The following CSGALNACT1 variants were observed in gnomAD, a reference collection of about 807,000 sequenced individuals.
CSGALNACT1 encodes beta4GalNAcT-1.
In CSGALNACT1, 52 loss-of-function variants were observed where a neutral mutation model predicts 51.0. The ratio of observed to expected loss-of-function variants is 1.02; its 90% confidence interval spans 0.82 to 1.29. CSGALNACT1 has a LOEUF of 1.29. Ranked by LOEUF, CSGALNACT1 falls within the 50% of genes most tolerant of loss-of-function variation. The pLI, the probability that CSGALNACT1 is intolerant of heterozygous loss-of-function variation, is 0.00. For missense variants in CSGALNACT1, 935 were observed against 679.2 expected, an observed-to-expected ratio of 1.38 and a Z score of -4.19; for synonymous variants, 341 against 254.4, an observed-to-expected ratio of 1.34 and a Z score of -3.24.
At chr8:19,669,223 C>T (rs752042554) in intron 1 of CSGALNACT1, among the ~76,000 whole-genome samples, 6 of 152,188 alleles carry the variant, frequency 3.9e-5, no homozygotes, top group Non-Finnish European at 8.8e-5. Context: ...AATGCAAGCA[C>T]TAGTCTAACC....
chr8:19,580,857 T>C (rs1379892844), intron 3 of CSGALNACT1, among the ~76,000 whole-genome samples: 1 of 152,078 alleles, frequency 6.6e-6, no homozygotes, highest in East Asian at 1.9e-4. Context: ...AATACAATAA[T>C]TACATTAAAA....
At chr8:19,697,015 G>A (rs548766654) in intron 1 of CSGALNACT1, among the ~76,000 whole-genome samples, 54 of 152,278 alleles carry the variant, frequency 3.5e-4, no homozygotes, top group African/African-American at 1.3e-3. Flanking sequence ...AGATGGTAAG[G>A]ACAGATGGCA....
intron 4 of CSGALNACT1, among the ~76,000 whole-genome samples, chr8:19,471,748 GT>G (rs1332775289): frequency 6.6e-6 from 1 of 152,192 alleles, no homozygotes; most frequent in African/African-American, 2.4e-5. Flanking sequence ...TGCAGTGAGA[GT>G]AAACAACAAG....
intron 3 of CSGALNACT1, among the ~76,000 whole-genome samples, chr8:19,532,867 G>C (rs1019316119): frequency 6.6e-6 from 1 of 152,108 alleles, no homozygotes; most frequent in African/African-American, 2.4e-5. Flanking sequence ...CTGTACTACA[G>C]GTGAACTACA....
intron 3 of CSGALNACT1, among the ~76,000 whole-genome samples, chr8:19,529,264 C>G (rs575634658): frequency 2.6e-5 from 4 of 152,178 alleles, no homozygotes; most frequent in Admixed American, 1.3e-4. Context: ...AGAAATTTTT[C>G]CAGAAGTTTA....
upstream of CSGALNACT1, among the ~76,000 whole-genome samples, chr8:19,605,050 A>G (rs942146633): frequency 2.0e-5 from 3 of 152,158 alleles, no homozygotes; most frequent in Non-Finnish European, 2.9e-5. Context: ...CTGATCCCCT[A>G]TAATTCCCTC....
rs35177349 is a variant in CSGALNACT1 at position 19,597,285 on chromosome 8, C to CTTTTTTTTTTTTTTTTTTTTT, written c.-416+4465_-416+4485dup. 9.0e-4 allele frequency among the ~76,000 whole-genome samples: 58 copies of CTTTTTTTTTTTTTTTTTTTTT among 64,566 alleles called. 8 individuals are homozygous for CTTTTTTTTTTTTTTTTTTTTT. The highest frequency in any genetic ancestry group is 3.9e-3 in the African/African-American group (56 of 14,416). 42.4% of individuals were successfully genotyped at this position (64,566 alleles called of 152,430 possible). On this transcript the variant is annotated intron_variant, in intron 2 of 9. Transcript: ENST00000454498. ...GGTTGGGGCTGCCTCTATCTTCTTT[C>CTTTTTTTTTTTTTTTTTTTTT]TTTTTTTTTTTTTTTTTTTTTTTTT... is the stretch of plus-strand genomic sequence containing the variant.
intron 1 of CSGALNACT1, among the ~76,000 whole-genome samples, chr8:19,658,659 G>C (rs1299897469): frequency 6.6e-6 from 1 of 152,076 alleles, no homozygotes; most frequent in Admixed American, 6.6e-5. Context: ...ACTTGAACCT[G>C]GGGGGCAGAG....
At chr8:19,588,696 T>A (rs2047179190) in intron 3 of CSGALNACT1, among the ~76,000 whole-genome samples, 1 of 152,196 alleles carries the variant, frequency 6.6e-6, no homozygotes, top group Non-Finnish European at 1.5e-5. Context: ...GTTAATTGGA[T>A]TTTTGTCAAT....
chr8:19,535,420 T>C (rs2083545005), intron 3 of CSGALNACT1, among the ~76,000 whole-genome samples: 2 of 152,184 alleles, frequency 1.3e-5, no homozygotes, highest in Admixed American at 1.3e-4. Context: ...AGTTGATGAC[T>C]ATTTTAAAAG....
intron 1 of CSGALNACT1, among the ~76,000 whole-genome samples, chr8:19,725,615 G>A (rs2063355461): frequency 6.6e-6 from 1 of 151,684 alleles, no homozygotes; most frequent in Non-Finnish European, 1.5e-5. Flanking sequence ...AGTAAAGACG[G>A]GCTTTCATCA....
At chr8:19,701,969 C>A (rs1246927373) in intron 1 of CSGALNACT1, among the ~76,000 whole-genome samples, 1 of 152,214 alleles carries the variant, frequency 6.6e-6, no homozygotes, top group East Asian at 1.9e-4. Flanking sequence ...TATGCCATCC[C>A]CAAATTGCTC....
intron 4 of CSGALNACT1, among the ~76,000 whole-genome samples, chr8:19,488,959 T>C (rs1168267537): frequency 1.3e-5 from 2 of 152,040 alleles, no homozygotes; most frequent in East Asian, 1.9e-4. Context: ...TCCTTGAAAA[T>C]GAATAATATG....
chr8:19,690,620 C>T (rs988707013), intron 1 of CSGALNACT1, among the ~76,000 whole-genome samples: 3 of 152,144 alleles, frequency 2.0e-5, no homozygotes, highest in African/African-American at 7.2e-5. Flanking sequence ...TTCAAATTTG[C>T]TTGATCATAA....
chr8:19,466,286 A>T (rs1657130365), intron 4 of CSGALNACT1, among the ~76,000 whole-genome samples: 1 of 152,216 alleles, frequency 6.6e-6, no homozygotes, highest in South Asian at 2.1e-4. Flanking sequence ...TCTTTTAATT[A>T]TCAGTGTCTG....
intron 3 of CSGALNACT1, among the ~76,000 whole-genome samples, chr8:19,526,959 A>C (rs2081835495): frequency 6.6e-6 from 1 of 152,226 alleles, no homozygotes; most frequent in Non-Finnish European, 1.5e-5. Flanking sequence ...TGCTATGTTA[A>C]AGTCTCATTC....
At chr8:19,574,149 G>A (rs1448657919) in intron 3 of CSGALNACT1, among the ~76,000 whole-genome samples, 2 of 152,186 alleles carry the variant, frequency 1.3e-5, no homozygotes, top group East Asian at 3.8e-4. Context: ...CTAGCCTTAA[G>A]ACATTCTCCA....
chr8:19,709,387 G>A (rs551462197), intron 1 of CSGALNACT1, among the ~76,000 whole-genome samples: 50 of 152,220 alleles, frequency 3.3e-4, no homozygotes, highest in Non-Finnish European at 5.1e-4. Context: ...GGGAGGAAGA[G>A]ACAATAGAAA....
At chr8:19,441,556 A>G (rs1357978666) in intron 5 of CSGALNACT1, among the ~76,000 whole-genome samples, 1 of 152,242 alleles carries the variant, frequency 6.6e-6, no homozygotes, top group Admixed American at 6.5e-5. Flanking sequence ...TACACCTTAT[A>G]CAAAAATGAA....
Sources: allele counts gnomAD v4.1 joint callset (sites outside exome capture counted in the v4.1 genomes callset), GRCh38; gene constraint gnomAD v4.1.1; transcripts MANE v1.5; gene names NCBI Gene and HGNC (gene_info 2026-07-23, HGNC 2026-07-21).